NEDD4: variants seen among roughly 807,000 people sequenced by gnomAD.
NEDD4 encodes E3 ubiquitin-protein ligase NEDD4.
NEDD4 carries 99 observed loss-of-function variants against 144.9 expected under a neutral mutation model. The observed-to-expected ratio is 0.68, with a 90% CI of 0.58 to 0.81. The LOEUF (loss-of-function observed/expected upper bound fraction) is 0.81, where lower values mean the gene tolerates loss of function less well. Among genes scored for constraint, NEDD4 ranks in the 30% least tolerant of loss-of-function variants. NEDD4 has a pLI of 0.00. For synonymous variants in NEDD4, 318 were observed against 350.6 expected, an observed-to-expected ratio of 0.91 and a Z score of 1.04; for missense variants, 985 against 1,065.9, an observed-to-expected ratio of 0.92 and a Z score of 1.06.
intron 1 of NEDD4, among the ~76,000 whole-genome samples, chr15:55,989,229 C>T (rs1476137166): frequency 6.6e-6 from 1 of 152,058 alleles, no homozygotes; most frequent in African/African-American, 2.4e-5. Flanking sequence ...GAGCAAGACT[C>T]CGTCTCAAAA....
At chr15:55,979,090 T>G in intron 1 of NEDD4, among the ~76,000 whole-genome samples, 1 of 151,788 alleles carries the variant, frequency 6.6e-6, no homozygotes, top group East Asian at 1.9e-4. Context: ...TACCCCATTT[T>G]TACTTATCTC....
At chr15:55,970,301 G>A (rs1453696676) in intron 1 of NEDD4, among the ~76,000 whole-genome samples, 3 of 151,804 alleles carry the variant, frequency 2.0e-5, no homozygotes, top group South Asian at 2.1e-4. Context: ...CCCAACTCCT[G>A]GACAGCATTT....
chr15:55,942,994 C>T (rs1238084500), intron 4 of NEDD4, among the ~76,000 whole-genome samples: 3 of 152,178 alleles, frequency 2.0e-5, no homozygotes, highest in Non-Finnish European at 4.4e-5. Context: ...TATGCTTCTA[C>T]AAAGAGACTG....
intron 5 of NEDD4, among the ~76,000 whole-genome samples, chr15:55,920,917 T>C (rs1471833757): frequency 3.3e-5 from 5 of 151,648 alleles, no homozygotes; most frequent in African/African-American, 4.8e-5. Context: ...CTAATTATCT[T>C]TGGCTCTTTG....
At chr15:55,840,572 A>G in intron 20 of NEDD4, 34 bp downstream of exon 20, 1 of 1,613,612 alleles carries the variant, frequency 6.2e-7, no homozygotes, top group Non-Finnish European at 8.5e-7. Flanking sequence ...AAAACAGGTA[A>G]TTATATTGTA....
At chr15:55,877,626 G>A (rs2035039567) in intron 5 of NEDD4, among the ~76,000 whole-genome samples, 1 of 152,228 alleles carries the variant, frequency 6.6e-6, no homozygotes, top group African/African-American at 2.4e-5. Context: ...AGCATCCATT[G>A]ATGATTCTTG....
In NEDD4 at chr15:55,850,636, A is replaced by G; in HGVS notation, c.1253T>C (p.Ile418Thr). Reference protein sequence around the residue: ...SGQQVTQPSEIEQGFLPKGWE... With the variant: ...SGQQVTQPSETEQGFLPKGWE... ...GCCTTTAGGAAGGAATCCTTGCTCA[A>G]TTTCAGATGGCTGGGTCACCTGCTG... is the stretch of plus-strand genomic sequence containing the variant. The change falls in exon 14 of 29, where the codon ATT (isoleucine) becomes ACT (threonine). Residue 418 changes from isoleucine to threonine, a missense_variant. Coordinates refer to ENST00000435532, the MANE Select transcript of NEDD4 (RefSeq NM_006154.4). 6 of 1,614,140 alleles carry G rather than the reference A, an allele frequency of 3.7e-6. No individual in the cohort carries two copies. The highest frequency in any genetic ancestry group is 5.1e-6 in the Non-Finnish European group (6 of 1,180,032).
chr15:55,932,933 C>G (rs2036811367), intron 4 of NEDD4, among the ~76,000 whole-genome samples: 1 of 152,212 alleles, frequency 6.6e-6, no homozygotes, highest in African/African-American at 2.4e-5. Flanking sequence ...CTCATCATCA[C>G]TGGCCATCAG....
intron 5 of NEDD4, chr15:55,916,020 C>G: frequency 1.2e-6 from 2 of 1,613,748 alleles, no homozygotes; most frequent in Non-Finnish European, 1.7e-6. Context: ...TGAAGGACTC[C>G]TAGGAAAAAT....
intron 12 of NEDD4, 147 bp from the exon 13 acceptor site, chr15:55,852,690 A>AATATATATATATATATATATATAT (rs59736982): frequency 1.6e-5 from 3 of 182,368 alleles, no homozygotes; most frequent in African/African-American, 8.5e-5. Flanking sequence ...CTTTTCTAGA[A>AATATATATATATATATATATATAT]ATATATATAT....
intron 4 of NEDD4, chr15:55,934,860 C>T (rs1185223886): frequency 6.8e-4 from 55 of 80,840 alleles, no homozygotes; most frequent in South Asian, 2.3e-3. Flanking sequence ...CAATGTTCTG[C>T]TTTTTTTTTT....
Position 55,829,543 on chromosome 15 carries a change from C to T in NEDD4, c.*354G>A, listed in dbSNP as rs2032844329. 2 of 162,434 alleles carry T rather than the reference C, an allele frequency of 1.2e-5. No individual in the cohort carries two copies. 10.1% of individuals were successfully genotyped at this position (162,434 alleles called of 1,614,324 possible). A position where few individuals can be genotyped will look rare whatever the true frequency, so the allele number is the denominator to read the frequency against. On this transcript the variant is annotated 3_prime_UTR_variant, in exon 29 of 29. Coordinates refer to ENST00000435532, the MANE Select transcript of NEDD4 (RefSeq NM_006154.4). ...ATCATCTCAGTAGTTTAAGAAAAAA[C>T]TGCCTGGCAGATACTATACAAGAGG...
intron 18 of NEDD4, among the ~76,000 whole-genome samples, chr15:55,843,011 G>A (rs944535921): frequency 2.0e-5 from 3 of 152,166 alleles, no homozygotes; most frequent in Admixed American, 6.5e-5. Flanking sequence ...TTATGGGGGC[G>A]GATCTTTCCT....
chr15:55,963,719 T>G (rs1566970829), intron 2 of NEDD4, among the ~76,000 whole-genome samples: 1 of 152,256 alleles, frequency 6.6e-6, no homozygotes. Context: ...ATTTACTATT[T>G]TTGATACTCT....
intron 5 of NEDD4, chr15:55,917,005 G>A: frequency 1.5e-6 from 2 of 1,326,516 alleles, no homozygotes; most frequent in Non-Finnish European, 1.9e-6. Flanking sequence ...AGATATCATA[G>A]AAAGAAAAAG....
chr15:55,977,395 G>C (rs1435872833), intron 1 of NEDD4, among the ~76,000 whole-genome samples: 1 of 152,108 alleles, frequency 6.6e-6, no homozygotes, highest in Non-Finnish European at 1.5e-5. Context: ...ATACTTTCTA[G>C]GTTTGTGTAA....
At chr15:55,938,221 T>G (rs555801903) in intron 4 of NEDD4, among the ~76,000 whole-genome samples, 4 of 152,076 alleles carry the variant, frequency 2.6e-5, no homozygotes, top group Non-Finnish European at 5.9e-5. Context: ...TAGCTGGGCA[T>G]GGTGGCGTGT....
intron 5 of NEDD4, among the ~76,000 whole-genome samples, chr15:55,897,949 A>G (rs2035790921): frequency 6.6e-6 from 1 of 152,202 alleles, no homozygotes; most frequent in Admixed American, 6.5e-5. Flanking sequence ...CACAGTTGGT[A>G]AAGTTTGACA....
At chr15:55,946,467 T>G (rs1468283203) in intron 4 of NEDD4, among the ~76,000 whole-genome samples, 1 of 152,162 alleles carries the variant, frequency 6.6e-6, no homozygotes, top group Non-Finnish European at 1.5e-5. Context: ...CTATCCTAAA[T>G]ATATATGCAC....
Sources: allele counts gnomAD v4.1 joint callset (sites outside exome capture counted in the v4.1 genomes callset), GRCh38; gene constraint gnomAD v4.1.1; transcripts MANE v1.5; gene names NCBI Gene and HGNC (gene_info 2026-07-23, HGNC 2026-07-21).